The following PRKG1 variants were observed in gnomAD, a reference collection of about 807,000 sequenced individuals.
PRKG1 encodes the protein cGMP-dependent protein kinase 1.
Under a neutral mutation model 88.1 loss-of-function variants are expected in PRKG1, and 35 were observed. The ratio of observed to expected loss-of-function variants is 0.40; its 90% CI spans 0.30 to 0.53. The LOEUF is 0.53. Among genes scored for constraint, PRKG1 ranks in the 20% least tolerant of loss-of-function variants. PRKG1 has a pLI of 0.59. For synonymous variants in PRKG1, 303 were observed against 292.5 expected, an observed-to-expected ratio of 1.04 and a Z score of -0.37; for missense variants, 540 against 839.8, an observed-to-expected ratio of 0.64 and a Z score of 4.41.
At chr10:51,392,342 C>T (rs944165030) in intron 2 of PRKG1, among the ~76,000 whole-genome samples, 7 of 152,050 alleles carry the variant, frequency 4.6e-5, no homozygotes, top group Middle Eastern at 3.4e-3. Flanking sequence ...TCTTAAGGAG[C>T]ATGCTGCCTT....
chr10:51,102,920 A>G (rs910634034), intron 1 of PRKG1, among the ~76,000 whole-genome samples: 2 of 152,176 alleles, frequency 1.3e-5, no homozygotes, highest in South Asian at 2.1e-4. Flanking sequence ...TAAAGCAATC[A>G]TCTACCATAA....
intron 2 of PRKG1, among the ~76,000 whole-genome samples, chr10:51,291,770 G>C (rs955351478): frequency 3.3e-5 from 5 of 152,122 alleles, no homozygotes; most frequent in African/African-American, 1.2e-4. Context: ...CATAACATTA[G>C]TACCTTAAAA....
intron 2 of PRKG1, among the ~76,000 whole-genome samples, chr10:51,307,766 T>A (rs1485355044): frequency 6.6e-6 from 1 of 152,150 alleles, no homozygotes; most frequent in Non-Finnish European, 1.5e-5. Flanking sequence ...TTGTCCATCT[T>A]TTATAAAGTT....
At chr10:51,294,653 C>T (rs1840671804) in intron 2 of PRKG1, among the ~76,000 whole-genome samples, 1 of 152,128 alleles carries the variant, frequency 6.6e-6, no homozygotes, top group Non-Finnish European at 1.5e-5. Flanking sequence ...CTTCTGGGCT[C>T]TTTCTGTTCC....
At chr10:52,289,971 A>T (rs1371068573) in intron 16 of PRKG1, among the ~76,000 whole-genome samples, 2 of 152,214 alleles carry the variant, frequency 1.3e-5, no homozygotes, top group African/African-American at 4.8e-5. Context: ...GGTCATAGAG[A>T]CATTATGACT....
intron 2 of PRKG1, among the ~76,000 whole-genome samples, chr10:51,166,278 T>C (rs879587108): frequency 6.6e-6 from 1 of 152,090 alleles, no homozygotes; most frequent in Non-Finnish European, 1.5e-5. Flanking sequence ...TTTTATTGAC[T>C]CATCCTTTTG....
rs567696105 is a variant in PRKG1, at chr10:51,275,504, G to A, written c.478+122174G>A. On this transcript the variant is annotated intron_variant, in intron 2 of 17. Coordinates refer to ENST00000373980, the MANE Select transcript of PRKG1 (RefSeq NM_006258.4). ...GGTGAGTTGGGTGCAAAGGGAGTGC[G>A]TTTAAGGCTGGTAAGTCAAGTTTGA... is the stretch of plus-strand genomic sequence containing the variant. Among the ~76,000 whole-genome samples, 188 of 152,268 alleles carry A rather than the reference G, an allele frequency of 1.2e-3. 2 individuals are homozygous for A. Among genetic ancestry groups the A allele is most frequent in the Non-Finnish European group, 1.8e-3 (124 of 68,014 alleles).
chr10:51,111,574 C>T (rs1844981106), intron 1 of PRKG1, among the ~76,000 whole-genome samples: 1 of 152,052 alleles, frequency 6.6e-6, no homozygotes, highest in Admixed American at 6.6e-5. Flanking sequence ...ACCTATTGGA[C>T]TTGTGAGTTG....
At chr10:51,562,719 G>T (rs922206343) in intron 3 of PRKG1, among the ~76,000 whole-genome samples, 2 of 152,014 alleles carry the variant, frequency 1.3e-5, no homozygotes, top group Non-Finnish European at 2.9e-5. Flanking sequence ...GAAAATGTAA[G>T]TAACAATCAA....
At chr10:51,816,014 G>T (rs1240743633) in intron 4 of PRKG1, among the ~76,000 whole-genome samples, 1 of 152,148 alleles carries the variant, frequency 6.6e-6, no homozygotes, top group Non-Finnish European at 1.5e-5. Context: ...AACAGAATAA[G>T]CTGGCACCTG....
chr10:52,103,420 C>T (rs1209742634), intron 7 of PRKG1, among the ~76,000 whole-genome samples: 2 of 152,074 alleles, frequency 1.3e-5, no homozygotes, highest in African/African-American at 4.8e-5. Context: ...TCCCCCTCAG[C>T]CTAATCAATG....
intron 3 of PRKG1, among the ~76,000 whole-genome samples, chr10:51,483,135 G>A (rs932587759): frequency 2.0e-5 from 3 of 150,418 alleles, no homozygotes; most frequent in Non-Finnish European, 3.0e-5. Context: ...ATTCTTCCGC[G>A]TCAGCCTCCC....
chr10:51,146,897 A>G (rs193186202), intron 1 of PRKG1, among the ~76,000 whole-genome samples: 12 of 152,312 alleles, frequency 7.9e-5, no homozygotes, highest in African/African-American at 2.6e-4. Flanking sequence ...ATCAATCTAA[A>G]TGTCCATCAA....
chr10:51,899,671 G>A (rs202037664), intron 4 of PRKG1, among the ~76,000 whole-genome samples: 45 of 120,370 alleles, frequency 3.7e-4, no homozygotes, highest in South Asian at 7.9e-4. Flanking sequence ...AAAGAAAAAT[G>A]TATATATATA....
intron 2 of PRKG1, among the ~76,000 whole-genome samples, chr10:51,421,741 C>T (rs1416144722): frequency 6.6e-6 from 1 of 152,166 alleles, no homozygotes; most frequent in African/African-American, 2.4e-5. Context: ...AAGTTCTTGA[C>T]TCACACAGGG....
intron 3 of PRKG1, among the ~76,000 whole-genome samples, chr10:51,706,059 T>G (rs1841596717): frequency 6.6e-6 from 1 of 152,184 alleles, no homozygotes; most frequent in African/African-American, 2.4e-5. Context: ...AGATGGACTG[T>G]GAGGTATAAA....
At chr10:51,972,855 C>A (rs1035156961) in intron 5 of PRKG1, among the ~76,000 whole-genome samples, 1 of 150,888 alleles carries the variant, frequency 6.6e-6, no homozygotes, top group Admixed American at 6.6e-5. Context: ...TTTTTTTTAA[C>A]AACATTTTGT....
intron 2 of PRKG1, among the ~76,000 whole-genome samples, chr10:51,236,203 G>A (rs1277525316): frequency 6.6e-6 from 1 of 152,100 alleles, no homozygotes; most frequent in African/African-American, 2.4e-5. Flanking sequence ...ATACCTAGAT[G>A]GCTACCTCAT....
At chr10:51,505,000 A>C (rs1564526226) in intron 3 of PRKG1, among the ~76,000 whole-genome samples, 1 of 152,216 alleles carries the variant, frequency 6.6e-6, no homozygotes, top group African/African-American at 2.4e-5. Context: ...CAGAACTTCC[A>C]ACACTATGTT....
Sources: allele counts gnomAD v4.1 joint callset (sites outside exome capture counted in the v4.1 genomes callset), GRCh38; gene constraint gnomAD v4.1.1; transcripts MANE v1.5; gene names NCBI Gene and HGNC (gene_info 2026-07-23, HGNC 2026-07-21).